SGCD: variants seen among roughly 807,000 people sequenced by gnomAD.
SGCD encodes the protein sarcoglycan delta, also known as delta-sarcoglycan.
A neutral mutation model predicts 36.6 loss-of-function variants in SGCD; 18 were observed. The ratio of observed to expected loss-of-function variants is 0.49; its 90% CI spans 0.34 to 0.73. The LOEUF (loss-of-function observed/expected upper bound fraction) is 0.73, where lower values mean the gene tolerates loss of function less well. SGCD is among the 30% of genes least tolerant of loss of function. The pLI is 0.01. For missense variants in SGCD, 387 were observed against 346.7 expected, an observed-to-expected ratio of 1.12 and a Z score of -0.92; for synonymous variants, 133 against 130.6, an observed-to-expected ratio of 1.02 and a Z score of -0.12.
At chr5:155,799,917 CA>C in the SGCD span, among the ~76,000 whole-genome samples, 2 of 141,402 alleles carry the variant, frequency 1.4e-5, no homozygotes, top group African/African-American at 2.6e-5. Flanking sequence ...CACCAAGGTT[CA>C]AGCTATTCTC....
intron 7 of SGCD, among the ~76,000 whole-genome samples, chr5:156,756,602 C>T (rs1757343863): frequency 6.6e-6 from 1 of 152,186 alleles, no homozygotes; most frequent in South Asian, 2.1e-4. Flanking sequence ...TAATGTTTTT[C>T]TCATTATATG....
intron 3 of SGCD, among the ~76,000 whole-genome samples, chr5:156,408,552 T>A (rs1772548467): frequency 6.6e-6 from 1 of 152,232 alleles, no homozygotes; most frequent in Non-Finnish European, 1.5e-5. Flanking sequence ...AGAGACGGGA[T>A]TTCACCAAGT....
chr5:156,567,635 A>G (rs1327910317), intron 4 of SGCD, among the ~76,000 whole-genome samples: 4 of 152,132 alleles, frequency 2.6e-5, no homozygotes, highest in Non-Finnish European at 4.4e-5. Flanking sequence ...ATGGAGAGCA[A>G]TCTGCTTTAC....
At chr5:156,177,070 C>T (rs983079734) in intron 3 of SGCD, among the ~76,000 whole-genome samples, 5 of 152,248 alleles carry the variant, frequency 3.3e-5, no homozygotes, top group Middle Eastern at 3.4e-3. Flanking sequence ...GACGTGATCT[C>T]GGCTCACTGC....
At chr5:155,935,545 C>A (rs1757177133) in intron 1 of SGCD, among the ~76,000 whole-genome samples, 1 of 152,168 alleles carries the variant, frequency 6.6e-6, no homozygotes, top group African/African-American at 2.4e-5. Flanking sequence ...TCAGGGAAAG[C>A]TATCTAAGTA....
At chr5:155,996,506 G>A (rs752092525) in intron 1 of SGCD, among the ~76,000 whole-genome samples, 13 of 152,222 alleles carry the variant, frequency 8.5e-5, no homozygotes, top group South Asian at 2.1e-4. Flanking sequence ...GGCCGGGCGC[G>A]GTGGCTCACG....
At chr5:156,497,170 ACTCTCTCTCT>A (rs10559912) in intron 3 of SGCD, among the ~76,000 whole-genome samples, 2,694 of 145,354 alleles carry the variant, frequency 0.019, 72 homozygotes, top group African/African-American at 0.058. Flanking sequence ...ACTCTCCTGC[ACTCTCTCTCT>A]CTCTCTCTCT....
At chr5:155,937,456 A>C (rs1757232920) in intron 1 of SGCD, among the ~76,000 whole-genome samples, 1 of 152,234 alleles carries the variant, frequency 6.6e-6, no homozygotes, top group Non-Finnish European at 1.5e-5. Flanking sequence ...TGTTAAACTT[A>C]TTTACACTAA....
chr5:156,763,286 G>T lies in SGCD; in HGVS notation c.*3896G>T, dbSNP rs963160369. ...AGTCTAGAGGGATGCCCATTCCATGGTCCTCCAGAGAATAGTTTTGACTTA... is the reference window on the plus strand; with the variant it reads ...AGTCTAGAGGGATGCCCATTCCATGTTCCTCCAGAGAATAGTTTTGACTTA... On this transcript the variant is annotated 3_prime_UTR_variant, in exon 9 of 9. Transcript: ENST00000337851. The T allele has an allele frequency of 6.6e-6, 1 of 152,552 alleles. No individual in the cohort carries two copies. Among genetic ancestry groups the T allele is most frequent in the African/African-American group, 2.4e-5 (1 of 41,406 alleles). 9.4% of individuals were successfully genotyped at this position (152,552 alleles called of 1,614,324 possible). A position where few individuals can be genotyped will look rare whatever the true frequency, so the allele number is the denominator to read the frequency against.
intron 3 of SGCD, among the ~76,000 whole-genome samples, chr5:156,307,673 T>C (rs1476088749): frequency 3.3e-5 from 5 of 151,876 alleles, no homozygotes; most frequent in Non-Finnish European, 5.9e-5. Flanking sequence ...TTTCATGTTA[T>C]TCTTTAACTA....
At chr5:156,487,778 ACT>A (rs1267142406) in intron 3 of SGCD, among the ~76,000 whole-genome samples, 1 of 126,140 alleles carries the variant, frequency 7.9e-6, no homozygotes, top group Non-Finnish European at 1.6e-5. Context: ...ACAGAGTGAG[ACT>A]CTGTCACCAA....
chr5:155,840,823 T>C, the SGCD span, among the ~76,000 whole-genome samples: 4 of 151,094 alleles, frequency 2.6e-5, no homozygotes, highest in African/African-American at 9.7e-5. Flanking sequence ...ACCAGCCTGA[T>C]CAACATGGAG....
At chr5:156,553,177 C>G (rs961124142) in intron 4 of SGCD, among the ~76,000 whole-genome samples, 19 of 152,256 alleles carry the variant, frequency 1.2e-4, no homozygotes, top group East Asian at 9.6e-4. Context: ...TCACTCACCC[C>G]CAATGGAGGG....
chr5:155,861,059 T>A, the SGCD span, among the ~76,000 whole-genome samples: 2 of 152,200 alleles, frequency 1.3e-5, no homozygotes, highest in Non-Finnish European at 2.9e-5. Flanking sequence ...TATTTTTCAT[T>A]GTATATCCAC....
At chr5:156,209,121 T>G (rs1764368801) in intron 3 of SGCD, among the ~76,000 whole-genome samples, 1 of 152,036 alleles carries the variant, frequency 6.6e-6, no homozygotes, top group African/African-American at 2.4e-5. Context: ...AGCCACAGAT[T>G]CCAGGATAAC....
At chr5:156,677,603 G>T (rs1753564098) in intron 7 of SGCD, among the ~76,000 whole-genome samples, 1 of 151,928 alleles carries the variant, frequency 6.6e-6, no homozygotes, top group South Asian at 2.1e-4. Context: ...CGAGTTAATG[G>T]GTGCAGCACA....
intron 3 of SGCD, among the ~76,000 whole-genome samples, chr5:156,216,207 A>G (rs1764569222): frequency 1.3e-5 from 2 of 152,210 alleles, no homozygotes; most frequent in African/African-American, 4.8e-5. Flanking sequence ...AAACTGATAA[A>G]AAATTTCAGT....
chr5:156,688,247 A>G lies in SGCD; in HGVS notation c.575+40711A>G, dbSNP rs538486342. On this transcript the variant is annotated intron_variant, in intron 7 of 8. Transcript: ENST00000337851. ...TTCTAAACCAGTTGCTATTTTTGGC[A>G]TAGTGGCTGACACCTATAAATATTT... Among the ~76,000 whole-genome samples, 43 of 152,252 alleles carry G rather than the reference A, an allele frequency of 2.8e-4. No homozygotes were observed. The South Asian group carries it at 7.3e-3, about 26-fold the overall frequency.
the SGCD span, among the ~76,000 whole-genome samples, chr5:155,753,504 T>C: frequency 6.6e-6 from 1 of 152,162 alleles, no homozygotes; most frequent in African/African-American, 2.4e-5. Flanking sequence ...AGCCCATGTT[T>C]TGGAGTAAAA....
Sources: gnomAD v4.1 joint callset for allele counts (sites outside exome capture counted in the v4.1 genomes callset) on GRCh38, gnomAD v4.1.1 for gene constraint, MANE v1.5 for transcripts, NCBI Gene and HGNC (gene_info 2026-07-23, HGNC 2026-07-21) for gene names.